Variants in PSME4 observed in about 807,000 individuals in gnomAD.
PSME4 encodes proteasome activator subunit 4.
Under a neutral mutation model 253.9 loss-of-function variants are expected in PSME4, and 89 were observed. The observed-to-expected ratio is 0.35, with a 90% CI of 0.30 to 0.42. The LOEUF is 0.42. Ranked by LOEUF, PSME4 falls within the 10% of genes least tolerant of loss-of-function variation. PSME4 has a pLI of 1.00. For synonymous variants in PSME4, 851 were observed against 759.2 expected, an observed-to-expected ratio of 1.12 and a Z score of -1.99; for missense variants, 2,014 against 2,195.2, an observed-to-expected ratio of 0.92 and a Z score of 1.65.
At chr2:53,899,052 G>A (rs1308240328) in intron 29 of PSME4, among the ~76,000 whole-genome samples, 1 of 151,902 alleles carries the variant, frequency 6.6e-6, no homozygotes, top group Non-Finnish European at 1.5e-5. Flanking sequence ...AAAAAGATAG[G>A]ACAGTGAAAT....
rs548120510 is a variant in PSME4 at position 53,883,377 on chromosome 2, G to A, written c.4815+2313C>T. ...TAGCCAGGCATGGTGATGCATGCCCGTAGTCCCAGCTACTCAGGGGGCTGA... is the reference window on the plus strand; with the variant it reads ...TAGCCAGGCATGGTGATGCATGCCCATAGTCCCAGCTACTCAGGGGGCTGA... On this transcript the variant is annotated intron_variant, in intron 41 of 46. Coordinates refer to ENST00000404125, the MANE Select transcript of PSME4 (RefSeq NM_014614.3). Among the ~76,000 whole-genome samples, 9 of 152,238 alleles carry A rather than the reference G, an allele frequency of 5.9e-5. No homozygotes were observed. In the East Asian group the frequency reaches 1.2e-3, roughly 20 times the overall value.
In PSME4 at chr2:53,893,778, G is replaced by A; in HGVS notation, c.3934C>T (p.His1312Tyr). The change falls in exon 35 of 47, where the codon CAT (histidine) becomes TAT (tyrosine). Residue 1312 changes from histidine to tyrosine, a missense_variant. His to Tyr is a moderately conservative substitution (Grantham distance 83, BLOSUM62 2). Coordinates refer to ENST00000404125, the MANE Select transcript of PSME4 (RefSeq NM_014614.3). ...MTEAEQIIFD[H>Y]FSDPKFVEQL... ...TCAACAAATTTAGGATCAGAAAAAT[G>A]ATCAAATATAATCTGTTCTGCCTAT... is the stretch of plus-strand genomic sequence containing the variant. The A allele has an allele frequency of 2.5e-6, 4 of 1,609,134 alleles. No homozygotes were observed. Among genetic ancestry groups the A allele is most frequent in the Non-Finnish European group, 3.4e-6 (4 of 1,177,628 alleles).
At chr2:53,928,056 A>G in intron 11 of PSME4, 61 bp downstream of exon 11, 1 of 1,334,296 alleles carries the variant, frequency 7.5e-7, no homozygotes, top group Non-Finnish European at 1.0e-6. Flanking sequence ...ACCTTTTGTC[A>G]CTGAGAAGTT....
At chr2:53,887,766 C>A (rs1679708185) in intron 39 of PSME4, 92 bp downstream of exon 39, 4 of 1,389,416 alleles carry the variant, frequency 2.9e-6, no homozygotes, top group Non-Finnish European at 3.9e-6. Context: ...AACCCACTGA[C>A]AACATAACCA....
At chr2:53,886,578 G>T (rs1220596149) in intron 40 of PSME4, among the ~76,000 whole-genome samples, 1 of 152,208 alleles carries the variant, frequency 6.6e-6, no homozygotes, top group South Asian at 2.1e-4. Context: ...CGAGAACACG[G>T]AACCCTTGTG....
At chr2:53,903,524 T>A (rs1360015317) in intron 27 of PSME4, among the ~76,000 whole-genome samples, 1 of 152,164 alleles carries the variant, frequency 6.6e-6, no homozygotes, top group East Asian at 1.9e-4. Context: ...TAATTTCCTT[T>A]CTTCTCTACT....
At position 53,866,198 on chromosome 2, in the gene PSME4, T is replaced by C. The variant is rs748652577; in HGVS notation, c.5423A>G (p.Asn1808Ser). 8 of 1,613,944 alleles carry C rather than the reference T, an allele frequency of 5.0e-6. No homozygotes were observed. Among genetic ancestry groups the C allele is most frequent in the Admixed American group, 1.7e-5 (1 of 59,998 alleles). ...GTTGTCATGGTGAGTCCTTCGGAAATTGGATAAGGTTTTTTTTACAGTCAT... is the reference window on the plus strand; with the variant it reads ...GTTGTCATGGTGAGTCCTTCGGAAACTGGATAAGGTTTTTTTTACAGTCAT... ...IEMTVKKTLS[N>S]FRRTHHDNWQ... Residue 1808 changes from asparagine to serine, a missense_variant, in exon 46 of 47, where the codon AAT (asparagine) becomes AGT (serine). Asn to Ser is a conservative substitution (Grantham distance 46, BLOSUM62 1). This residue lies in a region of PSME4 where 403 missense variants were observed against 556.1 expected (regional missense o/e 0.72). Coordinates refer to ENST00000404125, the MANE Select transcript of PSME4 (RefSeq NM_014614.3).
At chr2:53,940,076 T>A in intron 3 of PSME4, 76 bp from the exon 4 acceptor site, 2 of 1,114,528 alleles carry the variant, frequency 1.8e-6, no homozygotes, top group Non-Finnish European at 2.6e-6. Context: ...TAAATATCTA[T>A]AAGATAACCT....
intron 2 of PSME4, among the ~76,000 whole-genome samples, 193 bp downstream of exon 2, chr2:53,948,950 C>A (rs1669848352): frequency 6.6e-6 from 1 of 152,154 alleles, no homozygotes; most frequent in Admixed American, 6.5e-5. Flanking sequence ...GAGACCATGT[C>A]ATGGAAGAGA....
intron 1 of PSME4, among the ~76,000 whole-genome samples, chr2:53,954,228 T>C (rs1161531705): frequency 1.3e-5 from 2 of 152,064 alleles, no homozygotes; most frequent in African/African-American, 4.8e-5. Context: ...CTCGGGAGTC[T>C]GAGGCAGGAG....
chr2:53,896,867 C>T lies in PSME4; in HGVS notation c.3625G>A (p.Ala1209Thr). 1 of 1,611,888 alleles carries T rather than the reference C, an allele frequency of 6.2e-7. No individual in the cohort carries two copies. The highest frequency in any genetic ancestry group is 8.5e-7 in the Non-Finnish European group (1 of 1,178,128). Residue 1209 changes from alanine (A) to threonine (T), a missense_variant, in exon 32 of 47, where the codon GCT becomes ACT. Ala to Thr is a moderately conservative substitution (Grantham distance 58). Around this residue, in one of 4 missense-constraint regions of PSME4, gnomAD observed 989 missense variants for 1,021.1 expected, o/e 0.97. Transcript: ENST00000404125. ...VVRKMAISAV[A>T]GILKQLKRTH... ...CTTTTTAGCTGTTTAAGGATACCAG[C>T]AACAGCTGAGATAGCCATCTAGAAA...
intron 35 of PSME4, 92 bp downstream of exon 35, chr2:53,893,582 G>A: frequency 6.4e-7 from 1 of 1,558,680 alleles, no homozygotes; most frequent in Non-Finnish European, 8.6e-7. Flanking sequence ...CAAGGCAGAT[G>A]GCTAGCTTTG....
chr2:53,928,565 C>A, intron 10 of PSME4, among the ~76,000 whole-genome samples: 1 of 152,296 alleles, frequency 6.6e-6, no homozygotes, highest in African/African-American at 2.4e-5. Context: ...TTCTATTACA[C>A]TGAACAATAT....
rs185575653 is a variant in PSME4, at chr2:53,878,692, G to A, written c.4816-2937C>T. On this transcript the variant is annotated intron_variant, in intron 41 of 46. Coordinates refer to ENST00000404125, the MANE Select transcript of PSME4 (RefSeq NM_014614.3). ...GGGAGGAAATAAGCCCCGGTCTCCC[G>A]TAGTGCTCCCAGGCTTATTAGGATG... is the stretch of plus-strand genomic sequence containing the variant. 2.8e-4 allele frequency among the ~76,000 whole-genome samples: 43 copies of A among 152,334 alleles called. No individual in the cohort carries two copies. In the South Asian group the frequency reaches 8.1e-3, roughly 29 times the overall value.
intron 26 of PSME4, 87 bp from the exon 27 acceptor site, chr2:53,904,243 A>G (rs1680543249): frequency 7.7e-7 from 1 of 1,307,006 alleles, no homozygotes; most frequent in African/African-American, 1.5e-5. Flanking sequence ...CAGTAATGAT[A>G]ATTTACATGT....
intron 1 of PSME4, among the ~76,000 whole-genome samples, chr2:53,965,712 C>T (rs1415131127): frequency 6.7e-6 from 1 of 148,828 alleles, no homozygotes; most frequent in Admixed American, 6.7e-5. Context: ...GTCGCCCAGG[C>T]TGGAGTGCAA....
chr2:53,871,401 C>A (rs1452956103), intron 43 of PSME4, among the ~76,000 whole-genome samples: 2 of 152,088 alleles, frequency 1.3e-5, no homozygotes, highest in Non-Finnish European at 2.9e-5. Context: ...CAGCTACAAC[C>A]CGCTGCCACG....
intron 13 of PSME4, 63 bp from the exon 14 acceptor site, chr2:53,925,752 C>T: frequency 6.8e-7 from 1 of 1,479,876 alleles, no homozygotes. Context: ...TTTTGGTGGT[C>T]ATCAGGTAAC....
At chr2:53,904,399 G>C (rs758235788) in intron 26 of PSME4, among the ~76,000 whole-genome samples, 2 of 152,072 alleles carry the variant, frequency 1.3e-5, no homozygotes, top group Non-Finnish European at 2.9e-5. Context: ...TTGATAAAGG[G>C]GAGACTGAAT....
Sources: allele counts gnomAD v4.1 joint callset (sites outside exome capture counted in the v4.1 genomes callset), GRCh38; gene constraint gnomAD v4.1.1; regional missense constraint gnomAD v4.1.1; transcripts MANE v1.5; gene names NCBI Gene and HGNC (gene_info 2026-07-23, HGNC 2026-07-21).